CACNA2D3: variants seen among roughly 807,000 people sequenced by gnomAD.
CACNA2D3 encodes calcium voltage-gated channel auxiliary subunit alpha2delta 3.
CACNA2D3 carries 60 observed loss-of-function variants against 160.6 expected under a neutral mutation model. That is an observed-to-expected ratio of 0.37 (90% CI 0.30 to 0.46). CACNA2D3 has a LOEUF of 0.46. CACNA2D3 is among the 20% of genes least tolerant of loss of function. The pLI is 1.00. For missense variants in CACNA2D3, 1,205 were observed against 1,365.0 expected, an observed-to-expected ratio of 0.88 and a Z score of 1.85; for synonymous variants, 558 against 492.9, an observed-to-expected ratio of 1.13 and a Z score of -1.75.
chr3:54,245,885 T>G (rs1451274482), intron 2 of CACNA2D3, among the ~76,000 whole-genome samples: 6 of 152,262 alleles, frequency 3.9e-5, no homozygotes, highest in African/African-American at 1.4e-4. Context: ...TGGAGTTTGC[T>G]TCTCTATCAT....
intron 4 of CACNA2D3, among the ~76,000 whole-genome samples, chr3:54,441,992 A>T (rs1700152194): frequency 6.6e-6 from 1 of 152,122 alleles, no homozygotes; most frequent in East Asian, 1.9e-4. Context: ...TTTTTTAGAG[A>T]TGGAGGTCTT....
intron 4 of CACNA2D3, among the ~76,000 whole-genome samples, chr3:54,497,109 G>A (rs550799624): frequency 3.9e-4 from 59 of 151,960 alleles, no homozygotes; most frequent in African/African-American, 1.3e-3. Flanking sequence ...TTACTTATAT[G>A]TAAAATTTTA....
intron 35 of CACNA2D3, among the ~76,000 whole-genome samples, chr3:55,024,862 T>A (rs1367168048): frequency 6.6e-6 from 1 of 152,210 alleles, no homozygotes; most frequent in African/African-American, 2.4e-5. Flanking sequence ...CTATAGCATA[T>A]ATGTCTCAGA....
chr3:54,273,861 T>A (rs1702675943), intron 2 of CACNA2D3, among the ~76,000 whole-genome samples: 1 of 152,196 alleles, frequency 6.6e-6, no homozygotes, highest in Admixed American at 6.5e-5. Flanking sequence ...GTGTCTGTGC[T>A]AGATGGCCTT....
chr3:54,800,580 G>A (rs1213439823), intron 13 of CACNA2D3, among the ~76,000 whole-genome samples: 1 of 152,156 alleles, frequency 6.6e-6, no homozygotes, highest in Non-Finnish European at 1.5e-5. Context: ...CAAAATGTGG[G>A]GGGCCTTCCC....
chr3:54,477,092 A>G (rs17747001), intron 4 of CACNA2D3, among the ~76,000 whole-genome samples: 71,050 of 151,940 alleles, frequency 0.47, 17,331 homozygotes, highest in Non-Finnish European at 0.54. Context: ...CACTGTGGAG[A>G]TATTTGTTGA....
At chr3:54,215,623 G>A (rs11130399) in intron 2 of CACNA2D3, among the ~76,000 whole-genome samples, 1 of 152,016 alleles carries the variant, frequency 6.6e-6, no homozygotes, top group Non-Finnish European at 1.5e-5. Flanking sequence ...ACGGCGATGT[G>A]AGGGTGGGAG....
intron 4 of CACNA2D3, among the ~76,000 whole-genome samples, chr3:54,455,922 C>T (rs1340458098): frequency 6.6e-6 from 1 of 152,038 alleles, no homozygotes; most frequent in Non-Finnish European, 1.5e-5. Flanking sequence ...CTATTCTGTT[C>T]CATTGGTCTA....
intron 4 of CACNA2D3, among the ~76,000 whole-genome samples, chr3:54,400,217 T>G (rs949570579): frequency 1.3e-5 from 2 of 149,350 alleles, no homozygotes; most frequent in Non-Finnish European, 3.0e-5. Context: ...CCTAGTGAGA[T>G]GAACCCGGTA....
chr3:54,465,213 C>A (rs1285446404), intron 4 of CACNA2D3, among the ~76,000 whole-genome samples: 1 of 151,874 alleles, frequency 6.6e-6, no homozygotes, highest in South Asian at 2.1e-4. Flanking sequence ...AAATCTAAAT[C>A]ATTGTTGAAT....
At chr3:54,426,343 C>T (rs1197929508) in intron 4 of CACNA2D3, among the ~76,000 whole-genome samples, 1 of 152,048 alleles carries the variant, frequency 6.6e-6, no homozygotes, top group Non-Finnish European at 1.5e-5. Context: ...TTTAGCCTTC[C>T]GTCTTTGTTA....
intron 11 of CACNA2D3, among the ~76,000 whole-genome samples, chr3:54,687,121 C>G (rs138435679): frequency 1.1e-5 from 1 of 94,934 alleles, no homozygotes. Flanking sequence ...TTTTCTTTTT[C>G]TTTTTTTTTT....
intron 4 of CACNA2D3, among the ~76,000 whole-genome samples, chr3:54,444,336 G>A (rs1700188309): frequency 6.6e-6 from 1 of 152,108 alleles, no homozygotes; most frequent in Non-Finnish European, 1.5e-5. Flanking sequence ...GGTGGCCCTA[G>A]TCCCTTATTT....
At chr3:54,984,585 TTG>T in intron 29 of CACNA2D3, 21 bp from the exon 30 acceptor site, 1 of 1,444,372 alleles carries the variant, frequency 6.9e-7, no homozygotes, top group African/African-American at 1.4e-5. Context: ...TTTTTTGTTT[TTG>T]TTTTTTTTTT....
At chr3:54,799,722 G>A (rs1702942679) in intron 13 of CACNA2D3, among the ~76,000 whole-genome samples, 1 of 152,116 alleles carries the variant, frequency 6.6e-6, no homozygotes, top group Non-Finnish European at 1.5e-5. Context: ...GGTTTTCCTT[G>A]GAGGACCATT....
chr3:55,021,346 C>A (rs935686886), intron 35 of CACNA2D3, among the ~76,000 whole-genome samples: 1 of 151,188 alleles, frequency 6.6e-6, no homozygotes, highest in Non-Finnish European at 1.5e-5. Context: ...GTGATTTTGC[C>A]CCCTTTTAAA....
chr3:54,204,623 T>A lies in CACNA2D3; in HGVS notation c.204+81029T>A, dbSNP rs575731671. On this transcript the variant is annotated intron_variant, in intron 2 of 37. Transcript: ENST00000474759. ...CAGCCTGGCTAACATGGTGAAACCC[T>A]GTCTCTACTAAAAATACAAAAAATT... Among the ~76,000 whole-genome samples the A allele has an allele frequency of 1.1e-4, 17 of 151,804 alleles. No homozygotes were observed. The East Asian group carries it at 2.9e-3, about 26-fold the overall frequency.
intron 9 of CACNA2D3, among the ~76,000 whole-genome samples, chr3:54,622,264 A>C (rs1487177293): frequency 6.6e-6 from 1 of 152,100 alleles, no homozygotes; most frequent in Non-Finnish European, 1.5e-5. Flanking sequence ...CCTGACCCCC[A>C]GTTCAGTTTT....
intron 14 of CACNA2D3, among the ~76,000 whole-genome samples, chr3:54,818,830 C>G (rs991974192): frequency 1.3e-5 from 2 of 152,180 alleles, no homozygotes; most frequent in African/African-American, 4.8e-5. Flanking sequence ...AGGCACTTAC[C>G]TTACAAAATA....
Sources: allele counts gnomAD v4.1 joint callset (sites outside exome capture counted in the v4.1 genomes callset), GRCh38; gene constraint gnomAD v4.1.1; transcripts MANE v1.5; gene names NCBI Gene and HGNC (gene_info 2026-07-23, HGNC 2026-07-21).